Variants in PPARGC1B observed in about 807,000 individuals in gnomAD.
The protein encoded by PPARGC1B is PPARG coactivator 1 beta, also known as peroxisome proliferator-activated receptor gamma coactivator 1-beta.
PPARGC1B carries 34 observed loss-of-function variants against 101.6 expected under a neutral mutation model. The ratio of observed to expected loss-of-function variants is 0.33; its 90% CI spans 0.25 to 0.45. The LOEUF (loss-of-function observed/expected upper bound fraction) is 0.45. Ranked by LOEUF, PPARGC1B falls within the 20% of genes least tolerant of loss-of-function variation. The pLI is 1.00. For synonymous variants in PPARGC1B, 548 were observed against 539.3 expected (o/e 1.02, Z -0.22); for missense variants, 1,234 against 1,317.6 (o/e 0.94, Z 0.98).
intron 1 of PPARGC1B, among the ~76,000 whole-genome samples, chr5:149,740,754 T>C (rs1754878276): frequency 6.6e-6 from 1 of 152,234 alleles, no homozygotes; most frequent in African/African-American, 2.4e-5. Context: ...AATAGTATGC[T>C]CTTTGTAGGA....
intron 2 of PPARGC1B, among the ~76,000 whole-genome samples, chr5:149,823,763 G>A (rs1247318890): frequency 6.6e-6 from 1 of 152,180 alleles, no homozygotes; most frequent in African/African-American, 2.4e-5. Context: ...GGCTGTTTCA[G>A]TGGAGTAGGG....
Position 149,833,285 on chromosome 5 carries a change from G to T in PPARGC1B, c.1212G>T (p.Gly404=), listed in dbSNP as rs1431520307. The T allele has an allele frequency of 1.2e-6, 2 of 1,613,318 alleles. No individual in the cohort carries two copies. Among genetic ancestry groups the T allele is most frequent in the Admixed American group, 1.7e-5 (1 of 60,016 alleles). ...TCGCAGCTTCACCCAAGAGCACCGG[G>T]CCCAGACCAAGCCTGCGCCCACTGC... ...VRIAASPKST[G]PRPSLRPLRL... The change falls in exon 5 of 12, where the codon GGG becomes GGT. Residue 404 remains glycine, a synonymous_variant. Coordinates refer to ENST00000309241, the MANE Select transcript of PPARGC1B (RefSeq NM_133263.4). This position sits in a 1 kb window ranked among gnomAD's most constrained non-coding sequence, Gnocchi z 4.1.
In PPARGC1B at chr5:149,735,507, C is replaced by T. The variant is rs116249522; in HGVS notation, c.78+5087C>T. On this transcript the variant is annotated intron_variant, in intron 1 of 11. Transcript: ENST00000309241. ...TGTTGATCCTTGCCTTCTCCTTCAT[C>T]GTCATCATCAGTGACGTTTACTGAG... 3.3e-5 allele frequency among the ~76,000 whole-genome samples: 5 copies of T among 152,302 alleles called. No homozygotes were observed. The East Asian group carries it at 9.7e-4, about 29-fold the overall frequency.
At position 149,851,028 on chromosome 5, in the gene PPARGC1B, C is replaced by G. The variant is rs1759744217; in HGVS notation, c.*3470C>G. On this transcript the variant is annotated 3_prime_UTR_variant, in exon 12 of 12. Coordinates refer to ENST00000309241, the MANE Select transcript of PPARGC1B (RefSeq NM_133263.4). Reference sequence around the variant, plus strand: ...AAGCTGCTTTGAGTCAAAAAGCACCCATAAGATACCTGCATCTGCCTTGAA... The same window carrying G: ...AAGCTGCTTTGAGTCAAAAAGCACCGATAAGATACCTGCATCTGCCTTGAA... 6.6e-6 allele frequency: 1 copy of G among 152,064 alleles called. No homozygotes were observed. The highest frequency in any genetic ancestry group is 2.4e-5 in the African/African-American group (1 of 41,404). 9.4% of individuals were successfully genotyped at this position (152,064 alleles called of 1,614,324 possible).
intron 2 of PPARGC1B, among the ~76,000 whole-genome samples, chr5:149,822,317 A>G (rs1758333872): frequency 6.6e-6 from 1 of 152,140 alleles, no homozygotes. Context: ...AGGCACAAGT[A>G]AGCTTGGTGC....
intron 1 of PPARGC1B, among the ~76,000 whole-genome samples, chr5:149,746,250 C>T (rs532568386): frequency 6.6e-6 from 1 of 152,348 alleles, no homozygotes; most frequent in African/African-American, 2.4e-5. Flanking sequence ...TCCTCACCTC[C>T]TTCCTGTCCT....
At chr5:149,766,402 T>G (rs1263896048) in intron 1 of PPARGC1B, among the ~76,000 whole-genome samples, 1 of 152,210 alleles carries the variant, frequency 6.6e-6, no homozygotes, top group Non-Finnish European at 1.5e-5. Flanking sequence ...TGACTAGCAC[T>G]TTGCATCTAT....
At chr5:149,838,285 G>A (rs2113424605) in intron 8 of PPARGC1B, among the ~76,000 whole-genome samples, 1 of 152,186 alleles carries the variant, frequency 6.6e-6, no homozygotes, top group Non-Finnish European at 1.5e-5. Context: ...GGGTTTGTGG[G>A]CTCCCCGCAA....
chr5:149,823,162 T>G (rs1028792227), intron 2 of PPARGC1B, among the ~76,000 whole-genome samples: 3 of 152,180 alleles, frequency 2.0e-5, no homozygotes, highest in African/African-American at 7.2e-5. Flanking sequence ...AGGTATTTTG[T>G]TGTTTTGTGA....
Position 149,833,689 on chromosome 5 carries a change from G to T in PPARGC1B, c.1616G>T (p.Gly539Val). The change falls in exon 5 of 12, where the codon GGA becomes GTA. Residue 539 changes from glycine (G) to valine (V), a missense_variant. Gly to Val is a moderately radical substitution (Grantham distance 109, BLOSUM62 -3). Transcript: ENST00000309241. This position sits in a 1 kb window ranked among gnomAD's most constrained non-coding sequence, Gnocchi z 4.1. ...DSGQDQQLLR[G>V]PQIPALESPC... ...GGCCAAGACCAGCAGCTCCTACGGG[G>T]ACCCCAGATCCCTGCCCTGGAGAGC... 6.2e-7 allele frequency: 1 copy of T among 1,608,886 alleles called. No individual in the cohort carries two copies. The highest frequency in any genetic ancestry group is 8.5e-7 in the Non-Finnish European group (1 of 1,178,478).
At chr5:149,780,179 A>G (rs898730890) in intron 1 of PPARGC1B, among the ~76,000 whole-genome samples, 3 of 152,104 alleles carry the variant, frequency 2.0e-5, no homozygotes, top group Admixed American at 6.5e-5. Context: ...TGATTGGAGC[A>G]TCGAAAACCC....
intron 1 of PPARGC1B, among the ~76,000 whole-genome samples, chr5:149,790,461 T>C (rs1756976940): frequency 6.6e-6 from 1 of 151,942 alleles, no homozygotes; most frequent in South Asian, 2.1e-4. Flanking sequence ...CTTGAGCTGC[T>C]CTCCCTGTCC....
At chr5:149,731,532 G>A (rs1208921654) in intron 1 of PPARGC1B, among the ~76,000 whole-genome samples, 1 of 151,922 alleles carries the variant, frequency 6.6e-6, no homozygotes, top group Non-Finnish European at 1.5e-5. Flanking sequence ...ACCGGGCGCG[G>A]CTCGCGGGGG....
At chr5:149,808,477 A>C (rs1757681121) in intron 1 of PPARGC1B, among the ~76,000 whole-genome samples, 1 of 152,114 alleles carries the variant, frequency 6.6e-6, no homozygotes, top group South Asian at 2.1e-4. Flanking sequence ...TGATGTGTTG[A>C]AATGGTGAGT....
At chr5:149,841,853 C>T (rs961545773) in intron 9 of PPARGC1B, among the ~76,000 whole-genome samples, 2 of 152,194 alleles carry the variant, frequency 1.3e-5, no homozygotes, top group Non-Finnish European at 2.9e-5. Flanking sequence ...CATTACCCTT[C>T]CTTCCAGCCC....
rs1335251185 is a variant in PPARGC1B at position 149,850,432 on chromosome 5, G to A, written c.*2874G>A. 1 of 152,194 alleles carries A rather than the reference G, an allele frequency of 6.6e-6. No individual in the cohort carries two copies. The highest frequency in any genetic ancestry group is 1.9e-4 in the East Asian group (1 of 5,196). 9.4% of individuals were successfully genotyped at this position (152,194 alleles called of 1,614,324 possible). A position where few individuals can be genotyped will look rare whatever the true frequency, so the allele number is the denominator to read the frequency against. On this transcript the variant is annotated 3_prime_UTR_variant, in exon 12 of 12. Coordinates refer to ENST00000309241, the MANE Select transcript of PPARGC1B (RefSeq NM_133263.4). ...ATGACATACCTAAAGTCAGGGCTAG[G>A]GGACGCTGCCTGCCAAGGGCATCGA...
At chr5:149,771,117 T>C (rs1756114277) in intron 1 of PPARGC1B, among the ~76,000 whole-genome samples, 1 of 152,120 alleles carries the variant, frequency 6.6e-6, no homozygotes, top group Admixed American at 6.5e-5. Flanking sequence ...AGCGTACAAA[T>C]GGAGGCTCCC....
intron 1 of PPARGC1B, among the ~76,000 whole-genome samples, chr5:149,809,593 C>T (rs908932268): frequency 4.2e-5 from 6 of 143,856 alleles, no homozygotes; most frequent in African/African-American, 5.2e-5. Flanking sequence ...GAGGCTGAGG[C>T]GGGAGGATTG....
chr5:149,748,514 G>A (rs1755170233), intron 1 of PPARGC1B, among the ~76,000 whole-genome samples: 1 of 152,146 alleles, frequency 6.6e-6, no homozygotes, highest in Non-Finnish European at 1.5e-5. Flanking sequence ...GAAACCAGTT[G>A]CAGATTTGAG....
Sources: allele counts gnomAD v4.1 joint callset (sites outside exome capture counted in the v4.1 genomes callset), GRCh38; gene constraint gnomAD v4.1.1; non-coding constraint Gnocchi (gnomAD v3.1); transcripts MANE v1.5; gene names NCBI Gene and HGNC (gene_info 2026-07-23, HGNC 2026-07-21).